STXBP4: variants seen among roughly 807,000 people sequenced by gnomAD.
STXBP4 encodes the protein syntaxin-binding protein 4.
A neutral mutation model predicts 76.1 loss-of-function variants in STXBP4; 55 were observed. The observed-to-expected ratio is 0.72, with a 90% CI of 0.58 to 0.91. STXBP4 has a LOEUF of 0.91. STXBP4 is among the 40% of genes least tolerant of loss of function. The pLI is 0.00. For synonymous variants in STXBP4, 201 were observed against 220.2 expected (o/e 0.91, Z 0.77); for missense variants, 618 against 636.9 (o/e 0.97, Z 0.32).
rs527950492 is a variant in STXBP4, at chr17:55,082,308, A to G, written c.1489+1125A>G. ...AGCAGATTGTCATCAGTAATGTCCA[A>G]ATGATTGTCCAAAATGGTGACCAAT... On this transcript the variant is annotated intron_variant, in intron 16 of 17. Transcript: ENST00000376352. 2.0e-4 allele frequency among the ~76,000 whole-genome samples: 31 copies of G among 152,304 alleles called. No homozygotes were observed. The South Asian group carries it at 6.2e-3, about 31-fold the overall frequency.
At chr17:55,050,007 G>A (rs1269327077) in intron 12 of STXBP4, among the ~76,000 whole-genome samples, 2 of 151,988 alleles carry the variant, frequency 1.3e-5, no homozygotes, top group Admixed American at 6.6e-5. Context: ...CATGAAGCAA[G>A]TATAGCGTTG....
rs2078378082 is a variant in STXBP4 at position 55,024,508 on chromosome 17, A to G, written c.667-6660A>G. On this transcript the variant is annotated intron_variant, in intron 8 of 17. Coordinates refer to ENST00000376352, the MANE Select transcript of STXBP4 (RefSeq NM_178509.6). ...CTTTGACAGCTGGGGTTCCTAAGTG[A>G]AAAATACAGAGAAAGAGAAACCAGC... 2.0e-5 allele frequency among the ~76,000 whole-genome samples: 3 copies of G among 152,230 alleles called. No individual in the cohort carries two copies. In the South Asian group the frequency reaches 6.2e-4, roughly 31 times the overall value.
At chr17:55,035,790 C>G (rs1392244472) in intron 10 of STXBP4, among the ~76,000 whole-genome samples, 1 of 151,912 alleles carries the variant, frequency 6.6e-6, no homozygotes, top group African/African-American at 2.4e-5. Context: ...CTGGGAATTT[C>G]TGGACTCTTT....
chr17:54,974,528 T>A (rs565071424), intron 1 of STXBP4, among the ~76,000 whole-genome samples: 5 of 152,326 alleles, frequency 3.3e-5, no homozygotes, highest in East Asian at 1.9e-4. Context: ...TAGAAGGCAT[T>A]TATTAATTCA....
chr17:55,156,650 C>T (rs766952822), intron 17 of STXBP4, among the ~76,000 whole-genome samples: 2 of 152,174 alleles, frequency 1.3e-5, no homozygotes, highest in Non-Finnish European at 2.9e-5. Flanking sequence ...GCTTGAAGCA[C>T]AGAACACGTC....
intron 16 of STXBP4, among the ~76,000 whole-genome samples, chr17:55,090,026 C>T (rs1022196429): frequency 6.6e-6 from 1 of 152,062 alleles, no homozygotes; most frequent in Admixed American, 6.6e-5. Context: ...CCTGTTACTC[C>T]CACTGCTAAA....
At chr17:55,125,685 G>T (rs1358925635) in intron 16 of STXBP4, among the ~76,000 whole-genome samples, 1 of 152,088 alleles carries the variant, frequency 6.6e-6, no homozygotes, top group African/African-American at 2.4e-5. Flanking sequence ...CTCTTAAGGA[G>T]GCTCAGTCTC....
chr17:55,082,952 T>C (rs1171528684), intron 16 of STXBP4, among the ~76,000 whole-genome samples: 1 of 151,656 alleles, frequency 6.6e-6, no homozygotes, highest in Non-Finnish European at 1.5e-5. Context: ...CAAGAAGTAG[T>C]TGCATGCAAG....
the STXBP4 span, among the ~76,000 whole-genome samples, chr17:55,180,867 T>C: frequency 8.5e-5 from 13 of 152,228 alleles, no homozygotes; most frequent in Admixed American, 1.3e-4. Flanking sequence ...GAGGTCAAGG[T>C]GGATAGCACC....
intron 14 of STXBP4, among the ~76,000 whole-genome samples, chr17:55,078,401 G>T (rs890302452): frequency 1.3e-5 from 2 of 152,154 alleles, no homozygotes; most frequent in African/African-American, 4.8e-5. Flanking sequence ...TTGAGACAAG[G>T]TGATGGGATT....
At chr17:55,072,313 A>G (rs2079129817) in intron 12 of STXBP4, among the ~76,000 whole-genome samples, 3 of 152,230 alleles carry the variant, frequency 2.0e-5, no homozygotes, top group South Asian at 2.1e-4. Flanking sequence ...CACCTGAGAC[A>G]TAACATGTGT....
intron 10 of STXBP4, among the ~76,000 whole-genome samples, chr17:55,035,036 A>G (rs764584675): frequency 2.0e-5 from 3 of 151,974 alleles, no homozygotes; most frequent in Non-Finnish European, 4.4e-5. Context: ...ATGGCAAACC[A>G]CCTGTTTTTG....
intron 1 of STXBP4, among the ~76,000 whole-genome samples, chr17:54,971,633 G>T (rs927773787): frequency 6.6e-6 from 1 of 152,012 alleles, no homozygotes; most frequent in South Asian, 2.1e-4. Context: ...GTTATTCATG[G>T]ACTCTACATA....
At chr17:54,972,178 C>A (rs1461046871) in intron 1 of STXBP4, among the ~76,000 whole-genome samples, 6 of 152,200 alleles carry the variant, frequency 3.9e-5, no homozygotes, top group Non-Finnish European at 4.4e-5. Context: ...GGTGAATTAG[C>A]AAATATGTCA....
intron 1 of STXBP4, among the ~76,000 whole-genome samples, chr17:54,978,307 G>A (rs1442635895): frequency 4.0e-5 from 6 of 151,898 alleles, no homozygotes; most frequent in Non-Finnish European, 8.8e-5. Flanking sequence ...CCTCTGGACT[G>A]GTACTCTTCC....
Position 55,167,005 on chromosome 17 carries a change from A to G in STXBP4, c.*7094A>G, listed in dbSNP as rs1037755383. 4 of 152,164 alleles carry G rather than the reference A, an allele frequency of 2.6e-5. No homozygotes were observed. Among genetic ancestry groups the G allele is most frequent in the African/African-American group, 7.2e-5 (3 of 41,426 alleles). 9.4% of individuals were successfully genotyped at this position (152,164 alleles called of 1,614,324 possible). A position where few individuals can be genotyped will look rare whatever the true frequency, so the allele number is the denominator to read the frequency against. Reference sequence around the variant, plus strand: ...TGGGAAGGAAATGGGAAAACAGAATACTGGCCAGGATGGTCTGTTGTTTCT... The same window carrying G: ...TGGGAAGGAAATGGGAAAACAGAATGCTGGCCAGGATGGTCTGTTGTTTCT... On this transcript the variant is annotated 3_prime_UTR_variant, in exon 18 of 18. Coordinates refer to ENST00000376352, the MANE Select transcript of STXBP4 (RefSeq NM_178509.6).
chr17:55,033,242 T>C lies in STXBP4; in HGVS notation c.764-926T>C, dbSNP rs947951759. Among the ~76,000 whole-genome samples the C allele has an allele frequency of 5.9e-5, 9 of 151,964 alleles. No homozygotes were observed. In the East Asian group the frequency reaches 1.6e-3, roughly 26 times the overall value. On this transcript the variant is annotated intron_variant, in intron 9 of 17. Transcript: ENST00000376352. ...TACAAAAATCAGCTGGGCATGGTGG[T>C]GCACGCCTGTAATCCCAGCTACTCA...
intron 13 of STXBP4, among the ~76,000 whole-genome samples, chr17:55,076,185 A>G (rs935382388): frequency 1.3e-5 from 2 of 152,016 alleles, no homozygotes; most frequent in African/African-American, 4.8e-5. Flanking sequence ...CTTAATTTCC[A>G]TTTTTGTCAG....
Position 55,161,700 on chromosome 17 carries a change from A to G in STXBP4, c.*1789A>G, listed in dbSNP as rs1367018682. Reference sequence around the variant, plus strand: ...AGTGAAAAAGGCCTAAACAATTGTAATGATATTATTTATTGGGCATTTTGT... The same window carrying G: ...AGTGAAAAAGGCCTAAACAATTGTAGTGATATTATTTATTGGGCATTTTGT... On this transcript the variant is annotated 3_prime_UTR_variant, in exon 18 of 18. Transcript: ENST00000376352. 4 of 152,194 alleles carry G rather than the reference A, an allele frequency of 2.6e-5. No homozygotes were observed. Among genetic ancestry groups the G allele is most frequent in the Non-Finnish European group, 5.9e-5 (4 of 68,046 alleles). 9.4% of individuals were successfully genotyped at this position (152,194 alleles called of 1,614,324 possible).
Sources: allele counts gnomAD v4.1 joint callset (sites outside exome capture counted in the v4.1 genomes callset), GRCh38; gene constraint gnomAD v4.1.1; transcripts MANE v1.5; gene names NCBI Gene and HGNC (gene_info 2026-07-23, HGNC 2026-07-21).